PCBP2: variants seen among roughly 807,000 people sequenced by gnomAD.
The protein encoded by PCBP2 is poly(rC) binding protein 2.
A neutral mutation model predicts 50.1 loss-of-function variants in PCBP2; 4 were observed. The ratio of observed to expected loss-of-function variants is 0.08; its 90% CI spans 0.04 to 0.18. The LOEUF (loss-of-function observed/expected upper bound fraction) is 0.18. PCBP2 is among the 10% of genes least tolerant of loss of function. The pLI is 1.00. For synonymous variants in PCBP2, 179 were observed against 168.0 expected, an observed-to-expected ratio of 1.07 and a Z score of -0.51; for missense variants, 161 against 474.3, an observed-to-expected ratio of 0.34 and a Z score of 6.14.
chr12:53,464,610 C>G, intron 8 of PCBP2, 150 bp from the exon 9 acceptor site: 1 of 1,065,212 alleles, frequency 9.4e-7, no homozygotes, highest in Non-Finnish European at 1.3e-6. Flanking sequence ...TTTTTTAATT[C>G]ACTGATTACA....
At chr12:53,475,661 CTG>C (rs756439451) in intron 14 of PCBP2, 1 of 157,364 alleles carries the variant, frequency 6.4e-6, no homozygotes. Context: ...CCTTAGTACA[CTG>C]TGTGCTGTGA....
At chr12:53,460,145 CTTT>C (rs35129195) in intron 6 of PCBP2, 623 of 189,358 alleles carry the variant, frequency 3.3e-3, no homozygotes, top group South Asian at 9.1e-3. Flanking sequence ...AATTCTACAT[CTTT>C]TTTTTTTTTT....
chr12:53,463,784 T>G (rs1323833636), intron 8 of PCBP2, among the ~76,000 whole-genome samples: 7 of 152,238 alleles, frequency 4.6e-5, no homozygotes, highest in Admixed American at 4.6e-4. Context: ...TTTTCCCACT[T>G]GGGGCTGGTC....
At chr12:53,458,041 G>C (rs762787549) in intron 5 of PCBP2, among the ~76,000 whole-genome samples, 6 of 151,964 alleles carry the variant, frequency 3.9e-5, no homozygotes, top group Non-Finnish European at 8.8e-5. Context: ...CGATTCTCCT[G>C]CCTCGGCCTC....
At chr12:53,474,248 T>C (rs550663897) in intron 14 of PCBP2, among the ~76,000 whole-genome samples, 86 of 152,358 alleles carry the variant, frequency 5.6e-4, no homozygotes, top group Middle Eastern at 3.4e-3. Context: ...CTAGTTCTTA[T>C]CTACACTTCT....
intron 1 of PCBP2, chr12:53,453,340 C>CA: frequency 6.6e-6 from 1 of 151,826 alleles, no homozygotes; most frequent in Non-Finnish European, 1.5e-5. Flanking sequence ...GAAAGTCATT[C>CA]TTACAGACCT....
intron 12 of PCBP2, chr12:53,468,093 G>C: frequency 2.0e-6 from 1 of 488,342 alleles, no homozygotes; most frequent in Non-Finnish European, 3.6e-6. Flanking sequence ...CAGCTGGCCT[G>C]GTTCAGTCCA....
intron 14 of PCBP2, among the ~76,000 whole-genome samples, chr12:53,478,498 T>A (rs913020998): frequency 1.3e-5 from 2 of 151,112 alleles, no homozygotes; most frequent in Admixed American, 6.6e-5. Context: ...AAACTCAGTC[T>A]CAAAAAAATA....
In PCBP2 at chr12:53,479,501, T is replaced by A. The variant is rs1446854622; in HGVS notation, c.*59T>A. ...TGTTCACCACCACCCATGATCCATC[T>A]GTGTAGTTTCTGAACAGTCAGCGAT... On this transcript the variant is annotated 3_prime_UTR_variant, in exon 15 of 15. Coordinates refer to ENST00000546463, the MANE Select transcript of PCBP2 (RefSeq NM_031989.5). The A allele has an allele frequency of 2.0e-6, 3 of 1,485,738 alleles. No individual in the cohort carries two copies. Among genetic ancestry groups the A allele is most frequent in the Non-Finnish European group, 2.8e-6 (3 of 1,065,348 alleles). The allele number at this position is 1,485,738 out of a possible 1,614,324, so 92.0% of individuals were successfully genotyped here. A position where few individuals can be genotyped will look rare whatever the true frequency, so the allele number is the denominator to read the frequency against.
chr12:53,475,267 T>C, intron 14 of PCBP2: 1 of 416,702 alleles, frequency 2.4e-6, no homozygotes, highest in Admixed American at 2.6e-5. Flanking sequence ...CATTTTGTTT[T>C]CCTTTGTTAA....
At chr12:53,455,260 C>A in intron 2 of PCBP2, 87 bp from the exon 3 acceptor site, 2 of 1,265,452 alleles carry the variant, frequency 1.6e-6, no homozygotes, top group Non-Finnish European at 2.2e-6. Context: ...TTCATTAGAA[C>A]ATGTAGAAAA....
chr12:53,477,438 G>A (rs559957227), intron 14 of PCBP2, among the ~76,000 whole-genome samples: 5 of 152,010 alleles, frequency 3.3e-5, no homozygotes, highest in African/African-American at 1.2e-4. Flanking sequence ...GGCCGAGGCG[G>A]GTGGATCACG....
intron 6 of PCBP2, 73 bp downstream of exon 6, chr12:53,459,476 A>G: frequency 2.2e-6 from 3 of 1,395,352 alleles, no homozygotes; most frequent in Non-Finnish European, 3.0e-6. Flanking sequence ...TGGCTAGGAA[A>G]AGTTAGCAAT....
chr12:53,459,214 TA>T, intron 5 of PCBP2, 57 bp from the exon 6 acceptor site: 1 of 1,498,758 alleles, frequency 6.7e-7, no homozygotes, highest in East Asian at 2.3e-5. Flanking sequence ...AGTGGTTCTT[TA>T]ATGGCAGTTA....
intron 14 of PCBP2, among the ~76,000 whole-genome samples, chr12:53,477,235 C>T (rs1942649114): frequency 6.6e-6 from 1 of 152,106 alleles, no homozygotes; most frequent in Non-Finnish European, 1.5e-5. Flanking sequence ...ATTTTCAGGT[C>T]CTAGATCTAA....
intron 14 of PCBP2, among the ~76,000 whole-genome samples, chr12:53,472,225 C>T (rs1381159053): frequency 6.6e-6 from 1 of 152,152 alleles, no homozygotes; most frequent in African/African-American, 2.4e-5. Flanking sequence ...AATAGGACAG[C>T]AAGGCAGTTT....
intron 12 of PCBP2, 159 bp from the exon 13 acceptor site, chr12:53,468,618 C>A: frequency 1.6e-6 from 1 of 641,624 alleles, no homozygotes; most frequent in East Asian, 2.7e-5. Flanking sequence ...CACCCTTCTC[C>A]CCCACTCTTT....
At chr12:53,474,666 C>T (rs1380513706) in intron 14 of PCBP2, among the ~76,000 whole-genome samples, 1 of 152,114 alleles carries the variant, frequency 6.6e-6, no homozygotes, top group Non-Finnish European at 1.5e-5. Flanking sequence ...TTAAGTAGCT[C>T]TGTGGAATGG....
chr12:53,474,159 C>A (rs905151095), intron 14 of PCBP2, among the ~76,000 whole-genome samples: 1 of 152,188 alleles, frequency 6.6e-6, no homozygotes, highest in Non-Finnish European at 1.5e-5. Context: ...TTTCTCTTTT[C>A]CACTTCTGAA....
Sources: gnomAD v4.1 joint callset for allele counts (sites outside exome capture counted in the v4.1 genomes callset) on GRCh38, gnomAD v4.1.1 for gene constraint, MANE v1.5 for transcripts, NCBI Gene and HGNC (gene_info 2026-07-23, HGNC 2026-07-21) for gene names.